The following USP32 variants were observed in gnomAD, a reference collection of about 807,000 sequenced individuals.
The protein encoded by USP32 is ubiquitin carboxyl-terminal hydrolase 32.
A neutral mutation model predicts 204.8 loss-of-function variants in USP32; 59 were observed. The observed-to-expected ratio is 0.29, with a 90% confidence interval of 0.23 to 0.36. The LOEUF (loss-of-function observed/expected upper bound fraction) is 0.36, where lower values mean the gene tolerates loss of function less well. USP32 is among the 10% of genes least tolerant of loss of function. USP32 has a pLI of 1.00. For missense variants in USP32, 1,160 were observed against 1,946.4 expected (o/e 0.60, Z 7.60); for synonymous variants, 517 against 678.4 (o/e 0.76, Z 3.70).
At chr17:60,275,840 T>C (rs2086826416) in intron 5 of USP32, among the ~76,000 whole-genome samples, 1 of 151,532 alleles carries the variant, frequency 6.6e-6, no homozygotes, top group African/African-American at 2.4e-5. Context: ...GCCTCCTGAG[T>C]AGCTGGGATT....
chr17:60,227,259 TTTTC>T (rs1463198244), intron 12 of USP32, among the ~76,000 whole-genome samples: 1 of 147,798 alleles, frequency 6.8e-6, no homozygotes, highest in African/African-American at 2.6e-5. Flanking sequence ...ACTAGTTTTC[TTTTC>T]TTTTTTTCTT....
At chr17:60,395,952 C>T (rs531513319), upstream of USP32, among the ~76,000 whole-genome samples, 78 of 151,780 alleles carry the variant, frequency 5.1e-4, no homozygotes, top group African/African-American at 1.8e-3. Flanking sequence ...TACAACGTGA[C>T]ACCAACACAT....
At chr17:60,264,351 T>C (rs1598163364) in intron 9 of USP32, among the ~76,000 whole-genome samples, 1 of 131,696 alleles carries the variant, frequency 7.6e-6, no homozygotes, top group Non-Finnish European at 1.6e-5. Context: ...ACCTGGTCTC[T>C]ACAAAAAAAA....
chr17:60,316,824 G>A (rs2087992620), intron 2 of USP32, among the ~76,000 whole-genome samples: 1 of 152,010 alleles, frequency 6.6e-6, no homozygotes, highest in Non-Finnish European at 1.5e-5. Context: ...CTGGGCAAAA[G>A]AGCGAGACTT....
intron 5 of USP32, among the ~76,000 whole-genome samples, chr17:60,280,276 T>C (rs958220640): frequency 6.6e-6 from 1 of 152,108 alleles, no homozygotes; most frequent in Admixed American, 6.6e-5. Flanking sequence ...TTTGTATTTT[T>C]AGTAGAGACG....
At chr17:60,193,423 T>C (rs1270874958) in intron 27 of USP32, among the ~76,000 whole-genome samples, 1 of 152,224 alleles carries the variant, frequency 6.6e-6, no homozygotes, top group African/African-American at 2.4e-5. Context: ...CTACATACCA[T>C]TTTTGGAGTA....
chr17:60,362,339 T>C (rs1368460378), intron 1 of USP32, among the ~76,000 whole-genome samples: 1 of 152,218 alleles, frequency 6.6e-6, no homozygotes, highest in Admixed American at 6.5e-5. Flanking sequence ...AGTAACAATT[T>C]ATAAACTTTA....
intron 1 of USP32, among the ~76,000 whole-genome samples, chr17:60,356,830 A>C (rs1347338905): frequency 6.6e-6 from 1 of 152,196 alleles, no homozygotes; most frequent in Admixed American, 6.5e-5. Flanking sequence ...TCTGTAGGCA[A>C]GTCCAGACAT....
chr17:60,348,163 T>A (rs562737379), intron 1 of USP32, among the ~76,000 whole-genome samples: 10 of 152,038 alleles, frequency 6.6e-5, no homozygotes, highest in African/African-American at 2.4e-4. Flanking sequence ...GATGATAAAC[T>A]TTTTTAAGGA....
intron 9 of USP32, among the ~76,000 whole-genome samples, chr17:60,256,208 C>T (rs2086299502): frequency 6.6e-6 from 1 of 151,800 alleles, no homozygotes. Flanking sequence ...AGAAAATCCT[C>T]CAAATCAGAA....
At chr17:60,413,797 G>A (rs371416520) in intron 1 of USP32, among the ~76,000 whole-genome samples, 15 of 149,800 alleles carry the variant, frequency 1.0e-4, no homozygotes, top group East Asian at 4.0e-4. Context: ...CCCAGGAGGC[G>A]GAGGTTGCAG....
chr17:60,216,678 G>A (rs528980359), intron 16 of USP32, among the ~76,000 whole-genome samples: 19 of 152,248 alleles, frequency 1.2e-4, no homozygotes, highest in South Asian at 2.1e-4. Flanking sequence ...ACTGTAAGAA[G>A]GTTTGAATAC....
At chr17:60,187,252 C>T (rs771948350) in intron 29 of USP32, among the ~76,000 whole-genome samples, 1 of 152,174 alleles carries the variant, frequency 6.6e-6, no homozygotes, top group Non-Finnish European at 1.5e-5. Context: ...TGGATTTGAT[C>T]GTGCAATTAA....
chr17:60,389,731 T>A (rs1037543483), intron 1 of USP32, among the ~76,000 whole-genome samples: 1 of 151,880 alleles, frequency 6.6e-6, no homozygotes, highest in Non-Finnish European at 1.5e-5. Flanking sequence ...CATAAATTCA[T>A]GCCGGCCGGG....
At chr17:60,234,744 T>A (rs576944039) in intron 12 of USP32, among the ~76,000 whole-genome samples, 1,587 of 149,094 alleles carry the variant, frequency 0.011, 32 homozygotes, top group African/African-American at 0.035. Flanking sequence ...AAAAAAAAAA[T>A]TTTTTTTTGT....
intron 5 of USP32, among the ~76,000 whole-genome samples, chr17:60,277,049 A>T (rs1440466240): frequency 1.3e-5 from 2 of 152,012 alleles, no homozygotes; most frequent in Non-Finnish European, 2.9e-5. Context: ...CACTTACAGA[A>T]GTTTGAAGCA....
At chr17:60,197,868 G>A (rs1431680043) in intron 27 of USP32, among the ~76,000 whole-genome samples, 1 of 152,190 alleles carries the variant, frequency 6.6e-6, no homozygotes, top group Non-Finnish European at 1.5e-5. Flanking sequence ...ATTATTTTTT[G>A]TATCATGAGA....
At position 60,217,377 on chromosome 17, in the gene USP32, C is replaced by G. The variant is rs191688970; in HGVS notation, c.1867+2293G>C. 5.9e-5 allele frequency among the ~76,000 whole-genome samples: 9 copies of G among 152,314 alleles called. No homozygotes were observed. The East Asian group carries it at 1.7e-3, about 29-fold the overall frequency. ...TGGCGCGATCTCGGCTCACTGCAAC[C>G]TCTGCCTCCTGGGTTCAAGCAGTTC... On this transcript the variant is annotated intron_variant, in intron 16 of 33. Coordinates refer to ENST00000300896, the MANE Select transcript of USP32 (RefSeq NM_032582.4).
intron 1 of USP32, among the ~76,000 whole-genome samples, chr17:60,410,335 C>G (rs2090008297): frequency 6.6e-6 from 1 of 152,074 alleles, no homozygotes; most frequent in Non-Finnish European, 1.5e-5. Flanking sequence ...AATCAGCATA[C>G]CCCATTCCCT....
Sources: allele counts gnomAD v4.1 joint callset (sites outside exome capture counted in the v4.1 genomes callset), GRCh38; gene constraint gnomAD v4.1.1; transcripts MANE v1.5; gene names NCBI Gene and HGNC (gene_info 2026-07-23, HGNC 2026-07-21).